Variants in FAM13A observed in about 807,000 individuals in gnomAD.
FAM13A encodes family with sequence similarity 13 member A, also known as protein FAM13A.
Under a neutral mutation model 129.6 loss-of-function variants are expected in FAM13A, and 76 were observed. The ratio of observed to expected loss-of-function variants is 0.59; its 90% CI spans 0.49 to 0.71. The LOEUF (loss-of-function observed/expected upper bound fraction) is 0.71. FAM13A is among the 30% of genes least tolerant of loss of function. FAM13A has a pLI of 0.00. For missense variants in FAM13A, 1,108 were observed against 1,249.3 expected, an observed-to-expected ratio of 0.89 and a Z score of 1.70; for synonymous variants, 443 against 449.9, an observed-to-expected ratio of 0.98 and a Z score of 0.20.
intron 10 of FAM13A, among the ~76,000 whole-genome samples, chr4:88,783,730 A>G (rs1723419818): frequency 6.6e-6 from 1 of 152,156 alleles, no homozygotes; most frequent in Non-Finnish European, 1.5e-5. Flanking sequence ...AAATAAGGTT[A>G]AAAGAGTAAC....
At chr4:89,040,730 T>C (rs901427921) in intron 1 of FAM13A, among the ~76,000 whole-genome samples, 9 of 152,160 alleles carry the variant, frequency 5.9e-5, no homozygotes, top group African/African-American at 2.2e-4. Flanking sequence ...TCTGTGATGA[T>C]TAATATTGAG....
At chr4:88,880,510 G>C (rs1743341207) in intron 6 of FAM13A, among the ~76,000 whole-genome samples, 1 of 151,402 alleles carries the variant, frequency 6.6e-6, no homozygotes, top group Non-Finnish European at 1.5e-5. Context: ...AAGGAACTGG[G>C]AAAAAAAACC....
intron 3 of FAM13A, among the ~76,000 whole-genome samples, chr4:89,013,493 T>A (rs1191518132): frequency 1.4e-5 from 2 of 144,522 alleles, no homozygotes; most frequent in Non-Finnish European, 3.1e-5. Context: ...AGTTGCTCAA[T>A]TACAGTCATG....
At chr4:88,775,000 T>C (rs922039163) in intron 11 of FAM13A, among the ~76,000 whole-genome samples, 1 of 152,086 alleles carries the variant, frequency 6.6e-6, no homozygotes, top group African/African-American at 2.4e-5. Flanking sequence ...TCTAAGTCAT[T>C]TGTAGAGGGG....
chr4:89,036,562 G>A (rs982071799), intron 1 of FAM13A, among the ~76,000 whole-genome samples: 1 of 152,214 alleles, frequency 6.6e-6, no homozygotes, highest in Non-Finnish European at 1.5e-5. Context: ...ATTTTCTAGG[G>A]AGGAATTCAA....
intron 3 of FAM13A, among the ~76,000 whole-genome samples, chr4:88,997,357 A>G (rs528876592): frequency 6.6e-6 from 1 of 152,242 alleles, no homozygotes; most frequent in Non-Finnish European, 1.5e-5. Flanking sequence ...ACTTCAAATT[A>G]TTCAAGTTTT....
chr4:89,042,581 A>G (rs1388229965), intron 1 of FAM13A, among the ~76,000 whole-genome samples: 1 of 152,202 alleles, frequency 6.6e-6, no homozygotes, highest in African/African-American at 2.4e-5. Context: ...CTTAACTTAG[A>G]ATCCATGAAT....
At chr4:88,871,188 G>A (rs182597052) in intron 6 of FAM13A, among the ~76,000 whole-genome samples, 19 of 152,324 alleles carry the variant, frequency 1.2e-4, no homozygotes, top group African/African-American at 3.6e-4. Flanking sequence ...CAAAGATGGG[G>A]AGAAAACAGA....
intron 4 of FAM13A, among the ~76,000 whole-genome samples, chr4:88,973,929 T>C: frequency 6.6e-6 from 1 of 152,166 alleles, no homozygotes; most frequent in Admixed American, 6.5e-5. Context: ...TGGAATTGGG[T>C]ATTTTCCTTC....
intron 7 of FAM13A, among the ~76,000 whole-genome samples, chr4:88,828,402 T>C (rs560653928): frequency 6.6e-6 from 1 of 152,320 alleles, no homozygotes; most frequent in East Asian, 1.9e-4. Context: ...CCTCTCAAAG[T>C]GTTGGGATTA....
At chr4:88,775,663 T>C (rs1029115088) in intron 11 of FAM13A, among the ~76,000 whole-genome samples, 3 of 152,102 alleles carry the variant, frequency 2.0e-5, no homozygotes, top group Non-Finnish European at 2.9e-5. Context: ...GCTTTGATCA[T>C]GCCACTGTAC....
At chr4:88,786,296 G>T (rs1003482238) in intron 10 of FAM13A, among the ~76,000 whole-genome samples, 1 of 152,130 alleles carries the variant, frequency 6.6e-6, no homozygotes, top group Non-Finnish European at 1.5e-5. Flanking sequence ...AAAGAGGGTG[G>T]AAAGCAGGAT....
chr4:89,015,017 G>C (rs151211855), intron 3 of FAM13A, among the ~76,000 whole-genome samples: 1 of 152,086 alleles, frequency 6.6e-6, no homozygotes, highest in South Asian at 2.1e-4. Flanking sequence ...AAGAGAATGC[G>C]TTCCTAGGGG....
At chr4:88,820,023 C>A (rs1258001375) in intron 7 of FAM13A, among the ~76,000 whole-genome samples, 1 of 152,172 alleles carries the variant, frequency 6.6e-6, no homozygotes, top group Non-Finnish European at 1.5e-5. Flanking sequence ...CAATAACATT[C>A]AGTAATAAAC....
chr4:88,814,899 C>A (rs1730412436), intron 7 of FAM13A, among the ~76,000 whole-genome samples: 1 of 151,884 alleles, frequency 6.6e-6, no homozygotes, highest in South Asian at 2.1e-4. Context: ...GGCTGGAGTA[C>A]AGTGGCATGA....
intron 6 of FAM13A, among the ~76,000 whole-genome samples, chr4:88,868,013 G>A (rs770911398): frequency 6.6e-6 from 1 of 152,022 alleles, no homozygotes; most frequent in African/African-American, 2.4e-5. Flanking sequence ...AAACAGAGAA[G>A]TTAAGATTGA....
chr4:88,884,509 T>G (rs564730059), intron 6 of FAM13A, among the ~76,000 whole-genome samples: 2 of 152,218 alleles, frequency 1.3e-5, no homozygotes, highest in South Asian at 4.1e-4. Flanking sequence ...CTTAACGTAA[T>G]AAAACCATCT....
intron 7 of FAM13A, among the ~76,000 whole-genome samples, chr4:88,849,255 A>G (rs994803849): frequency 2.0e-5 from 3 of 152,208 alleles, no homozygotes; most frequent in Non-Finnish European, 4.4e-5. Flanking sequence ...AATAAAGATT[A>G]ACACCTGTTG....
chr4:88,828,899 C>A (rs1047847092), intron 7 of FAM13A, among the ~76,000 whole-genome samples: 3 of 152,216 alleles, frequency 2.0e-5, no homozygotes, highest in African/African-American at 7.2e-5. Flanking sequence ...CTTCTGAAAT[C>A]TTTTAAGCAT....
Sources: allele counts gnomAD v4.1 joint callset (sites outside exome capture counted in the v4.1 genomes callset), GRCh38; gene constraint gnomAD v4.1.1; transcripts MANE v1.5; gene names NCBI Gene and HGNC (gene_info 2026-07-23, HGNC 2026-07-21).